SETX: variants seen among roughly 807,000 people sequenced by gnomAD.
SETX encodes senataxin.
A neutral mutation model predicts 227.2 loss-of-function variants in SETX; 90 were observed. The ratio of observed to expected loss-of-function variants is 0.40; its 90% CI spans 0.33 to 0.47. The LOEUF (loss-of-function observed/expected upper bound fraction) is 0.47. Ranked by LOEUF, SETX falls within the 20% of genes least tolerant of loss-of-function variation. The probability of loss-of-function intolerance (pLI) is 0.91; values close to 1 mark genes in which losing one functional copy is unlikely to be tolerated. For missense variants in SETX, 3,052 were observed against 3,181.5 expected (o/e 0.96, Z 0.98); for synonymous variants, 1,210 against 1,113.2 (o/e 1.09, Z -1.73).
At chr9:132,324,311 T>C (rs1846567745) in intron 10 of SETX, among the ~76,000 whole-genome samples, 1 of 152,168 alleles carries the variant, frequency 6.6e-6, no homozygotes, top group African/African-American at 2.4e-5. Context: ...AGGTACGAAT[T>C]GATCAAAAGA....
In SETX at chr9:132,288,216, T is replaced by C; in HGVS notation, c.6324+20A>G. ...ACTAGTTCGTATACCTGAGTTATTA[T>C]TCAAGAAATGCAAAGATACCTGTAT... is the stretch of plus-strand genomic sequence containing the variant. On this transcript the variant is annotated intron_variant, in intron 17 of 25. Transcript: ENST00000224140. 1 of 1,596,970 alleles carries C rather than the reference T, an allele frequency of 6.3e-7. No individual in the cohort carries two copies. The highest frequency in any genetic ancestry group is 8.6e-7 in the Non-Finnish European group (1 of 1,164,750).
intron 6 of SETX, 128 bp from the exon 7 acceptor site, chr9:132,334,855 G>T: frequency 1.0e-6 from 1 of 984,380 alleles, no homozygotes; most frequent in Non-Finnish European, 1.6e-6. Context: ...AAACATTTAA[G>T]TCTCAGATAT....
intron 3 of SETX, among the ~76,000 whole-genome samples, chr9:132,347,844 A>C (rs1172741313): frequency 1.3e-5 from 2 of 152,092 alleles, no homozygotes; most frequent in African/African-American, 4.8e-5. Context: ...GTTTCTCAAC[A>C]CAAGTCCATT....
rs1370768766 is a variant in SETX, at chr9:132,261,818, A to G, written c.*2421T>C. 1.3e-5 allele frequency: 2 copies of G among 154,824 alleles called. No homozygotes were observed. Among genetic ancestry groups the G allele is most frequent in the Non-Finnish European group, 2.9e-5 (2 of 68,230 alleles). 9.6% of individuals were successfully genotyped at this position (154,824 alleles called of 1,614,324 possible). A position where few individuals can be genotyped will look rare whatever the true frequency, so the allele number is the denominator to read the frequency against. On this transcript the variant is annotated 3_prime_UTR_variant, in exon 26 of 26. Transcript: ENST00000224140. ...CAAAACAAGCTTTTAAGTAGCACAT[A>G]TTCATTTGAAATAACTAATATTGAA...
At position 132,281,492 on chromosome 9, in the gene SETX, T is replaced by C; in HGVS notation, c.6629A>G (p.Gln2210Arg). 1 of 1,613,740 alleles carries C rather than the reference T, an allele frequency of 6.2e-7. No homozygotes were observed. Among genetic ancestry groups the C allele is most frequent in the Non-Finnish European group, 8.5e-7 (1 of 1,179,672 alleles). The change falls in exon 20 of 26, where the codon CAG becomes CGG. Residue 2210 changes from glutamine (Q) to arginine (R), a missense_variant. Gln to Arg is a conservative substitution (Grantham distance 43). This residue lies in a region of SETX where 412 missense variants were observed against 589.0 expected (regional missense o/e 0.70). Transcript: ENST00000224140. ...NKLILVGDPK[Q>R]LPPTVISMKA... ...CATAGAGATGACTGTCGGAGGGAGC[T>C]GCTTAGGATCTCCTACTAGGATGAG...
intron 24 of SETX, 28 bp from the exon 25 acceptor site, chr9:132,269,730 T>C: frequency 6.2e-7 from 1 of 1,608,746 alleles, no homozygotes; most frequent in Non-Finnish European, 8.5e-7. Context: ...AGTTCCTTCT[T>C]TGTCTAGAAT....
chr9:132,288,771 A>C, intron 15 of SETX, 120 bp from the exon 16 acceptor site: 1 of 730,420 alleles, frequency 1.4e-6, no homozygotes, highest in Non-Finnish European at 2.4e-6. Flanking sequence ...AGCAAACATG[A>C]ACTTCCAATT....
chr9:132,313,529 G>A (rs1845791786), intron 10 of SETX, among the ~76,000 whole-genome samples: 1 of 152,160 alleles, frequency 6.6e-6, no homozygotes. Context: ...AACTTAGCTA[G>A]GTAAAAAGTC....
intron 17 of SETX, among the ~76,000 whole-genome samples, chr9:132,286,822 C>T (rs937407889): frequency 7.9e-5 from 12 of 152,256 alleles, no homozygotes; most frequent in African/African-American, 4.8e-5. Flanking sequence ...GCATCTAACA[C>T]AGGCCTGGCC....
At chr9:132,349,184 G>C in intron 3 of SETX, 68 bp downstream of exon 3, 1 of 1,417,462 alleles carries the variant, frequency 7.1e-7, no homozygotes, top group Non-Finnish European at 9.9e-7. Context: ...TACTTCCAAC[G>C]GAGTTCAAAC....
chr9:132,288,672 T>C (rs1198139435), intron 15 of SETX, 21 bp from the exon 16 acceptor site: 2 of 1,388,364 alleles, frequency 1.4e-6, no homozygotes, highest in African/African-American at 1.4e-5. Context: ...GAATCACAGT[T>C]AAGGACTAAT....
chr9:132,349,015 A>G (rs1306323909), intron 3 of SETX, among the ~76,000 whole-genome samples: 18 of 152,084 alleles, frequency 1.2e-4, no homozygotes, highest in Non-Finnish European at 1.5e-5. Flanking sequence ...AATTTGTCCT[A>G]AGAATATACT....
chr9:132,334,822 A>C, intron 6 of SETX, 95 bp from the exon 7 acceptor site: 1 of 1,336,470 alleles, frequency 7.5e-7, no homozygotes, highest in Non-Finnish European at 1.1e-6. Context: ...AGGAAGATGA[A>C]GCAAGATAGT....
chr9:132,302,040 G>A (rs1440759209), intron 11 of SETX, among the ~76,000 whole-genome samples: 1 of 152,134 alleles, frequency 6.6e-6, no homozygotes, highest in African/African-American at 2.4e-5. Context: ...AATCTTTAGA[G>A]TCAAAGCAAT....
At chr9:132,319,561 A>G (rs1160442189) in intron 10 of SETX, among the ~76,000 whole-genome samples, 1 of 152,170 alleles carries the variant, frequency 6.6e-6, no homozygotes. Context: ...TTCTTCGTTA[A>G]GACTCAGTTC....
rs1307372480 is a variant in SETX at position 132,328,119 on chromosome 9, G to A, written c.3479C>T (p.Pro1160Leu). 5 of 1,613,982 alleles carry A rather than the reference G, an allele frequency of 3.1e-6. No homozygotes were observed. The highest frequency in any genetic ancestry group is 4.2e-6 in the Non-Finnish European group (5 of 1,179,996). Residue 1160 changes from proline to leucine, a missense_variant, in exon 10 of 26, where the codon CCT becomes CTT. Pro to Leu is a moderately conservative substitution (Grantham distance 98). Around this residue, in one of 10 missense-constraint regions of SETX, gnomAD observed 1,483 missense variants for 1,312.0 expected, o/e 1.13. Transcript: ENST00000224140. ...TGGTTTTTCAGATCGTTTTCTCTTA[G>A]GCTTTTTTACTTCAATTTCACAAAA... ...EEFCEIEVKKPKRKRSEKPMA... is the reference protein window; with the variant it reads ...EEFCEIEVKKLKRKRSEKPMA...
At chr9:132,314,651 C>T (rs957067602) in intron 10 of SETX, among the ~76,000 whole-genome samples, 2 of 152,120 alleles carry the variant, frequency 1.3e-5, no homozygotes, top group Admixed American at 6.5e-5. Context: ...CCAGTTAGGC[C>T]TCATCTTCAA....
In SETX at chr9:132,262,506, C is replaced by T. The variant is rs1022960273; in HGVS notation, c.*1733G>A. On this transcript the variant is annotated 3_prime_UTR_variant, in exon 26 of 26. Transcript: ENST00000224140. ...TGACCCAGACAGAATGGGACCCATC[C>T]CTACCCGTCCTGAACTGTCGCACAC... 1 of 152,410 alleles carries T rather than the reference C, an allele frequency of 6.6e-6. No homozygotes were observed. Among genetic ancestry groups the T allele is most frequent in the East Asian group, 1.9e-4 (1 of 5,182 alleles). 9.4% of individuals were successfully genotyped at this position (152,410 alleles called of 1,614,324 possible). A position where few individuals can be genotyped will look rare whatever the true frequency, so the allele number is the denominator to read the frequency against.
rs1487491836 is a variant in SETX, at chr9:132,275,407, C to T, written c.6949G>A (p.Val2317Ile). 1.3e-6 allele frequency: 2 copies of T among 1,598,032 alleles called. No homozygotes were observed. The highest frequency in any genetic ancestry group is 2.7e-5 in the African/African-American group (2 of 74,510). ...ERRDNDSYIN[V>I]QEIKLVMEII... ...TCCATCACCAGTTTTATTTCTTGAA[C>T]ATTTATATATGAGCTAAACAAGATG... Residue 2317 changes from valine (V) to isoleucine (I), a missense_variant, in exon 23 of 26, where the codon GTT becomes ATT. Transcript: ENST00000224140.
Sources: allele counts gnomAD v4.1 joint callset (sites outside exome capture counted in the v4.1 genomes callset), GRCh38; gene constraint gnomAD v4.1.1; regional missense constraint gnomAD v4.1.1; transcripts MANE v1.5; gene names NCBI Gene and HGNC (gene_info 2026-07-23, HGNC 2026-07-21).